The following KCNIP4 variants were observed in gnomAD, a reference collection of about 807,000 sequenced individuals.
KCNIP4 encodes Kv channel-interacting protein 4.
KCNIP4 carries 12 observed loss-of-function variants against 34.0 expected under a neutral mutation model. The observed-to-expected ratio is 0.35, with a 90% CI of 0.23 to 0.57. KCNIP4 has a LOEUF of 0.57. Ranked by LOEUF, KCNIP4 falls within the 20% of genes least tolerant of loss-of-function variation. KCNIP4 has a pLI of 0.83. For missense variants in KCNIP4, 238 were observed against 311.7 expected, an observed-to-expected ratio of 0.76 and a Z score of 1.78; for synonymous variants, 124 against 102.2, an observed-to-expected ratio of 1.21 and a Z score of -1.29.
chr4:21,369,683 T>C (rs1175352156), intron 1 of KCNIP4, among the ~76,000 whole-genome samples: 2 of 147,538 alleles, frequency 1.4e-5, no homozygotes, highest in Non-Finnish European at 2.9e-5. Flanking sequence ...ACTTACTTAC[T>C]ATCTCATTTA....
At chr4:21,609,155 GA>G (rs1743958857) in intron 1 of KCNIP4, among the ~76,000 whole-genome samples, 2 of 152,236 alleles carry the variant, frequency 1.3e-5, no homozygotes, top group African/African-American at 4.8e-5. Context: ...GGAAGAACAG[GA>G]ATGGATAGGA....
chr4:21,222,520 A>G (rs879514636), intron 1 of KCNIP4, among the ~76,000 whole-genome samples: 2 of 152,190 alleles, frequency 1.3e-5, no homozygotes, highest in African/African-American at 2.4e-5. Context: ...GAACACTTGG[A>G]AAATACAGAG....
At chr4:21,417,388 A>G (rs571160576) in intron 1 of KCNIP4, among the ~76,000 whole-genome samples, 1 of 152,206 alleles carries the variant, frequency 6.6e-6, no homozygotes, top group African/African-American at 2.4e-5. Context: ...AAGATTAAAA[A>G]AAATAAAATA....
At chr4:21,174,355 T>C (rs916351448) in intron 1 of KCNIP4, among the ~76,000 whole-genome samples, 12 of 152,186 alleles carry the variant, frequency 7.9e-5, no homozygotes, top group African/African-American at 2.9e-4. Context: ...GCTCTATCCT[T>C]GCTGGTGTGT....
intron 1 of KCNIP4, among the ~76,000 whole-genome samples, chr4:20,927,986 A>G (rs559153785): frequency 6.6e-6 from 1 of 152,022 alleles, no homozygotes; most frequent in Non-Finnish European, 1.5e-5. Context: ...AATTTATTCA[A>G]TTCGAGCAGG....
chr4:21,272,068 A>G (rs1401623602), intron 1 of KCNIP4, among the ~76,000 whole-genome samples: 1 of 152,192 alleles, frequency 6.6e-6, no homozygotes, highest in Non-Finnish European at 1.5e-5. Flanking sequence ...CTGCATTGCT[A>G]GCAGTTTATT....
intron 1 of KCNIP4, among the ~76,000 whole-genome samples, chr4:21,910,235 G>A (rs553969684): frequency 5.3e-5 from 8 of 152,192 alleles, no homozygotes; most frequent in African/African-American, 1.9e-4. Context: ...CAGCAGGACA[G>A]CCAGCTGGAG....
At chr4:21,744,436 C>G (rs910738662) in intron 1 of KCNIP4, among the ~76,000 whole-genome samples, 3 of 152,158 alleles carry the variant, frequency 2.0e-5, no homozygotes, top group Non-Finnish European at 2.9e-5. Context: ...ACATTAATAT[C>G]CAGAGGTGAG....
chr4:21,018,938 C>G (rs917927224), intron 1 of KCNIP4, among the ~76,000 whole-genome samples: 9 of 152,084 alleles, frequency 5.9e-5, no homozygotes, highest in African/African-American at 2.2e-4. Context: ...TATTAGTTTA[C>G]TAGGGTTGCC....
chr4:21,198,861 G>T (rs796157298), intron 1 of KCNIP4, among the ~76,000 whole-genome samples: 5 of 152,274 alleles, frequency 3.3e-5, no homozygotes, highest in African/African-American at 1.2e-4. Context: ...GGCTTTGGGG[G>T]ACTGACATGC....
chr4:21,179,593 G>C (rs540221624), intron 1 of KCNIP4, among the ~76,000 whole-genome samples: 8 of 152,146 alleles, frequency 5.3e-5, no homozygotes, highest in Non-Finnish European at 1.0e-4. Flanking sequence ...TGTCAAGCTG[G>C]TATTAAGAAT....
chr4:21,781,209 G>A (rs780996940), intron 1 of KCNIP4, among the ~76,000 whole-genome samples: 4 of 152,104 alleles, frequency 2.6e-5, no homozygotes, highest in Non-Finnish European at 4.4e-5. Context: ...AAATCTGATA[G>A]TTTTATAAGC....
intron 1 of KCNIP4, among the ~76,000 whole-genome samples, chr4:21,499,129 G>A (rs1237143537): frequency 2.6e-5 from 4 of 151,964 alleles, no homozygotes; most frequent in Admixed American, 6.6e-5. Context: ...TCAGAAGTTC[G>A]AGACAAGCCT....
intron 1 of KCNIP4, among the ~76,000 whole-genome samples, chr4:21,134,957 G>T (rs1751388421): frequency 6.6e-6 from 1 of 152,216 alleles, no homozygotes; most frequent in Non-Finnish European, 1.5e-5. Flanking sequence ...GGCACCAGGA[G>T]ACAAGGCTGC....
intron 1 of KCNIP4, among the ~76,000 whole-genome samples, chr4:21,652,027 G>A (rs1577761728): frequency 6.6e-6 from 1 of 152,092 alleles, no homozygotes; most frequent in Non-Finnish European, 1.5e-5. Flanking sequence ...GTGTGTCTCA[G>A]CCCTAACACC....
At chr4:20,751,462 T>C (rs1228172794) in intron 4 of KCNIP4, among the ~76,000 whole-genome samples, 1 of 152,192 alleles carries the variant, frequency 6.6e-6, no homozygotes, top group African/African-American at 2.4e-5. Context: ...TACTTTTTCA[T>C]GTACTTCTTG....
chr4:21,913,056 G>A (rs1728429991), intron 1 of KCNIP4, among the ~76,000 whole-genome samples: 1 of 151,964 alleles, frequency 6.6e-6, no homozygotes, highest in African/African-American at 2.4e-5. Context: ...CTAACCTATG[G>A]TGCCTTTGAA....
chr4:21,210,910 A>G (rs1757177713), intron 1 of KCNIP4, among the ~76,000 whole-genome samples: 1 of 152,232 alleles, frequency 6.6e-6, no homozygotes, highest in South Asian at 2.1e-4. Flanking sequence ...ATCAACACTG[A>G]AACTGATGAT....
At chr4:21,595,230 G>A (rs890576110) in intron 1 of KCNIP4, among the ~76,000 whole-genome samples, 8 of 152,160 alleles carry the variant, frequency 5.3e-5, no homozygotes, top group Non-Finnish European at 2.9e-5. Context: ...TAATGAGTGA[G>A]AACATGAGAT....
Sources: allele counts gnomAD v4.1 joint callset (sites outside exome capture counted in the v4.1 genomes callset), GRCh38; gene constraint gnomAD v4.1.1; transcripts MANE v1.5; gene names NCBI Gene and HGNC (gene_info 2026-07-23, HGNC 2026-07-21).